The following CTNNA3 variants were observed in gnomAD, a reference collection of about 807,000 sequenced individuals.
The protein encoded by CTNNA3 is catenin alpha 3, also known as catenin alpha-3.
A neutral mutation model predicts 95.7 loss-of-function variants in CTNNA3; 76 were observed. The ratio of observed to expected loss-of-function variants is 0.79; its 90% CI spans 0.66 to 0.96. CTNNA3 has a LOEUF of 0.96. Among genes scored for constraint, CTNNA3 ranks in the 40% least tolerant of loss-of-function variants. The probability of loss-of-function intolerance (pLI) is 0.00; values close to 1 mark genes in which losing one functional copy is unlikely to be tolerated. For synonymous variants in CTNNA3, 431 were observed against 374.4 expected (o/e 1.15, Z -1.74); for missense variants, 1,191 against 1,089.8 (o/e 1.09, Z -1.31).
chr10:67,402,653 T>C (rs1038440688), intron 5 of CTNNA3, among the ~76,000 whole-genome samples: 6 of 152,052 alleles, frequency 3.9e-5, no homozygotes, highest in Non-Finnish European at 7.4e-5. Context: ...GCCAAGGAAG[T>C]GGTAAGTGAA....
intron 9 of CTNNA3, among the ~76,000 whole-genome samples, chr10:66,702,503 G>A (rs1388074015): frequency 8.6e-5 from 13 of 151,794 alleles, no homozygotes; most frequent in South Asian, 2.1e-4. Context: ...TCAGGAGTTC[G>A]AGACTAGCCT....
At chr10:65,931,415 A>G (rs1353877669) in intron 17 of CTNNA3, among the ~76,000 whole-genome samples, 3 of 152,190 alleles carry the variant, frequency 2.0e-5, no homozygotes, top group Non-Finnish European at 4.4e-5. Flanking sequence ...ATTAACTCAT[A>G]CCATTATTGC....
chr10:67,443,906 C>A (rs981376970), intron 5 of CTNNA3, among the ~76,000 whole-genome samples: 37 of 152,236 alleles, frequency 2.4e-4, no homozygotes, highest in African/African-American at 7.9e-4. Context: ...CCTAGGTTTT[C>A]TTCTAGGGTT....
chr10:66,679,895 A>T (rs1483238271), intron 9 of CTNNA3, among the ~76,000 whole-genome samples: 5 of 152,194 alleles, frequency 3.3e-5, no homozygotes, highest in African/African-American at 1.2e-4. Context: ...CATACAATAA[A>T]AGTAAACCAA....
At chr10:67,165,246 A>T (rs1861714492) in intron 7 of CTNNA3, among the ~76,000 whole-genome samples, 1 of 152,218 alleles carries the variant, frequency 6.6e-6, no homozygotes, top group South Asian at 2.1e-4. Context: ...TTAAAAAGCC[A>T]ATCTCAAAAG....
chr10:66,510,373 A>G (rs888818625), intron 11 of CTNNA3, among the ~76,000 whole-genome samples: 1 of 151,812 alleles, frequency 6.6e-6, no homozygotes, highest in African/African-American at 2.4e-5. Context: ...TCCAATGTGG[A>G]TGGCAATTTC....
intron 13 of CTNNA3, among the ~76,000 whole-genome samples, chr10:66,200,681 T>C (rs2087339901): frequency 6.6e-6 from 1 of 152,228 alleles, no homozygotes; most frequent in Non-Finnish European, 1.5e-5. Flanking sequence ...TTTATATTTC[T>C]GTTCAATCCT....
At position 65,916,255 on chromosome 10, in the gene CTNNA3, T is replaced by C. The variant is rs562298673; in HGVS notation, c.*4075A>G. 422 of 152,190 alleles carry C rather than the reference T, an allele frequency of 2.8e-3. 4 individuals are homozygous for C. The highest frequency in any genetic ancestry group is 9.6e-3 in the African/African-American group (400 of 41,554). 9.4% of individuals were successfully genotyped at this position (152,190 alleles called of 1,614,324 possible). A position where few individuals can be genotyped will look rare whatever the true frequency, so the allele number is the denominator to read the frequency against. On this transcript the variant is annotated 3_prime_UTR_variant, in exon 18 of 18. Transcript: ENST00000433211. Reference sequence around the variant, plus strand: ...TCTTTTTAACTGAAATATTTCTGGCTTTACAAACAGAAAAAATGAATATTT... The same window carrying C: ...TCTTTTTAACTGAAATATTTCTGGCCTTACAAACAGAAAAAATGAATATTT...
chr10:66,200,842 T>C (rs368361389), intron 13 of CTNNA3, among the ~76,000 whole-genome samples: 1 of 152,206 alleles, frequency 6.6e-6, no homozygotes, highest in East Asian at 1.9e-4. Context: ...TGCTTTAGGT[T>C]GCACTTTGTA....
intron 10 of CTNNA3, among the ~76,000 whole-genome samples, chr10:66,556,512 C>CAT (rs745759202): frequency 1.1e-4 from 16 of 151,786 alleles, no homozygotes; most frequent in South Asian, 4.2e-4. Flanking sequence ...GTACATATAT[C>CAT]ATATATATAT....
At chr10:66,656,456 T>C (rs971032206) in intron 9 of CTNNA3, among the ~76,000 whole-genome samples, 2 of 152,060 alleles carry the variant, frequency 1.3e-5, no homozygotes, top group African/African-American at 2.4e-5. Context: ...AGGAGCAGCT[T>C]CAGAAAGTGA....
chr10:66,371,319 T>G (rs890390065), intron 12 of CTNNA3, among the ~76,000 whole-genome samples: 6 of 152,122 alleles, frequency 3.9e-5, no homozygotes, highest in African/African-American at 1.4e-4. Context: ...AAAACAAACA[T>G]TATTTTATGA....
At chr10:66,736,293 C>T (rs1331231037) in intron 9 of CTNNA3, among the ~76,000 whole-genome samples, 1 of 151,896 alleles carries the variant, frequency 6.6e-6, no homozygotes, top group African/African-American at 2.4e-5. Flanking sequence ...TCAAGCAATT[C>T]TCCTGCCTCA....
At chr10:66,763,278 A>G (rs1471932850) in intron 9 of CTNNA3, among the ~76,000 whole-genome samples, 1 of 151,436 alleles carries the variant, frequency 6.6e-6, no homozygotes, top group Non-Finnish European at 1.5e-5. Flanking sequence ...TGGGAGATAA[A>G]TGCAGTACTT....
chr10:67,114,367 A>G (rs1043877566), intron 7 of CTNNA3, among the ~76,000 whole-genome samples: 4 of 152,114 alleles, frequency 2.6e-5, no homozygotes, highest in Non-Finnish European at 4.4e-5. Context: ...TGGAAATGTA[A>G]AAACAGAGAT....
chr10:66,484,331 G>T (rs1437127213), intron 11 of CTNNA3, among the ~76,000 whole-genome samples: 2 of 151,764 alleles, frequency 1.3e-5, no homozygotes, highest in African/African-American at 4.9e-5. Flanking sequence ...TTTCTTTGAG[G>T]AAGTAATTTC....
chr10:67,008,538 A>T (rs575272506), intron 7 of CTNNA3, among the ~76,000 whole-genome samples: 1 of 152,192 alleles, frequency 6.6e-6, no homozygotes, highest in Admixed American at 6.5e-5. Flanking sequence ...ATTTGTTCAT[A>T]ATTGTGTGAG....
chr10:67,109,687 A>G lies in CTNNA3; in HGVS notation c.1047+70630T>C, dbSNP rs1417582441. Reference sequence around the variant, plus strand: ...GTGAAACCCCGCCTCTACTAAAAATACAAAAATTGGCTGGGCGCAGTGGCC... The same window carrying G: ...GTGAAACCCCGCCTCTACTAAAAATGCAAAAATTGGCTGGGCGCAGTGGCC... On this transcript the variant is annotated intron_variant, in intron 7 of 17. Coordinates refer to ENST00000433211, the MANE Select transcript of CTNNA3 (RefSeq NM_013266.4). Among the ~76,000 whole-genome samples the G allele has an allele frequency of 5.3e-5, 8 of 152,104 alleles. No homozygotes were observed. The South Asian group carries it at 1.7e-3, about 32-fold the overall frequency.
chr10:66,687,450 C>A (rs1847339510), intron 9 of CTNNA3, among the ~76,000 whole-genome samples: 1 of 152,054 alleles, frequency 6.6e-6, no homozygotes, highest in Non-Finnish European at 1.5e-5. Flanking sequence ...TTCCCCTATT[C>A]TGTTAGAATA....
Sources: gnomAD v4.1 joint callset for allele counts (sites outside exome capture counted in the v4.1 genomes callset) on GRCh38, gnomAD v4.1.1 for gene constraint, MANE v1.5 for transcripts, NCBI Gene and HGNC (gene_info 2026-07-23, HGNC 2026-07-21) for gene names.